Variants in CTNNA3 observed in about 807,000 individuals in gnomAD.
The protein encoded by CTNNA3 is catenin alpha 3, also known as catenin alpha-3.
CTNNA3 carries 76 observed loss-of-function variants against 95.7 expected under a neutral mutation model. The ratio of observed to expected loss-of-function variants is 0.79; its 90% CI spans 0.66 to 0.96. The LOEUF (loss-of-function observed/expected upper bound fraction) is 0.96, where lower values mean the gene tolerates loss of function less well. Among genes scored for constraint, CTNNA3 ranks in the 40% least tolerant of loss-of-function variants. CTNNA3 has a pLI of 0.00. For missense variants in CTNNA3, 1,191 were observed against 1,089.8 expected (o/e 1.09, Z -1.31); for synonymous variants, 431 against 374.4 (o/e 1.15, Z -1.74).
intron 7 of CTNNA3, among the ~76,000 whole-genome samples, chr10:67,163,209 A>G (rs1861622838): frequency 1.3e-5 from 2 of 151,994 alleles, no homozygotes; most frequent in South Asian, 2.1e-4. Context: ...AGAGATGAAA[A>G]TATTTCTAAT....
At chr10:67,413,551 A>G (rs1845447486) in intron 5 of CTNNA3, among the ~76,000 whole-genome samples, 1 of 152,120 alleles carries the variant, frequency 6.6e-6, no homozygotes, top group Non-Finnish European at 1.5e-5. Context: ...AAAACTAACA[A>G]AGAAACTCTG....
At chr10:66,665,231 G>A (rs972295283) in intron 9 of CTNNA3, among the ~76,000 whole-genome samples, 1 of 152,040 alleles carries the variant, frequency 6.6e-6, no homozygotes, top group African/African-American at 2.4e-5. Context: ...GCTCATTTCA[G>A]CTCAGAGGAG....
chr10:67,570,230 T>C (rs539317185), intron 3 of CTNNA3, among the ~76,000 whole-genome samples: 22 of 152,178 alleles, frequency 1.4e-4, no homozygotes, highest in African/African-American at 5.3e-4. Context: ...CTTCTATTAC[T>C]TCCCCACATC....
At chr10:66,655,303 T>C (rs4525109) in intron 9 of CTNNA3, among the ~76,000 whole-genome samples, 100,252 of 151,860 alleles carry the variant, frequency 0.66, 34,000 homozygotes, top group East Asian at 0.95. Flanking sequence ...AGATTTTTCA[T>C]GTTTCTTTTT....
At chr10:66,493,707 GCC>G (rs1283941264) in intron 11 of CTNNA3, among the ~76,000 whole-genome samples, 2 of 140,980 alleles carry the variant, frequency 1.4e-5, no homozygotes, top group African/African-American at 2.7e-5. Flanking sequence ...CCGGGTTCAC[GCC>G]ATTCTCCCGC....
intron 4 of CTNNA3, among the ~76,000 whole-genome samples, chr10:67,522,616 CAGAA>C (rs544096517): frequency 2.4e-4 from 36 of 151,838 alleles, no homozygotes; most frequent in African/African-American, 7.5e-4. Context: ...GAGTTATGAT[CAGAA>C]AGAGAGTTCT....
intron 5 of CTNNA3, among the ~76,000 whole-genome samples, chr10:67,243,406 G>A (rs1344053099): frequency 2.0e-5 from 3 of 152,142 alleles, no homozygotes; most frequent in Non-Finnish European, 4.4e-5. Flanking sequence ...GGAAGTGCAC[G>A]TGAACACAAG....
At chr10:67,095,591 C>T (rs1419432948) in intron 7 of CTNNA3, among the ~76,000 whole-genome samples, 1 of 151,742 alleles carries the variant, frequency 6.6e-6, no homozygotes, top group Non-Finnish European at 1.5e-5. Context: ...ATAAATGTAT[C>T]ATGGTTTATT....
At chr10:67,372,289 T>C (rs1400627697) in intron 5 of CTNNA3, among the ~76,000 whole-genome samples, 3 of 152,220 alleles carry the variant, frequency 2.0e-5, no homozygotes, top group Non-Finnish European at 4.4e-5. Context: ...GTTTTAGACA[T>C]GAAGTCCTTG....
intron 5 of CTNNA3, among the ~76,000 whole-genome samples, chr10:67,314,791 T>C (rs1442652579): frequency 6.6e-6 from 1 of 152,236 alleles, no homozygotes; most frequent in Non-Finnish European, 1.5e-5. Flanking sequence ...CTATCATTTA[T>C]TATTGTTTAA....
intron 14 of CTNNA3, among the ~76,000 whole-genome samples, chr10:66,087,182 A>T (rs12773686): frequency 0.12 from 17,851 of 151,966 alleles, 1,116 homozygotes; most frequent in Non-Finnish European, 0.15. Flanking sequence ...CCCTGGGCCC[A>T]ATTTAAATCA....
chr10:65,967,669 A>G (rs1386979171), intron 16 of CTNNA3, among the ~76,000 whole-genome samples: 1 of 152,220 alleles, frequency 6.6e-6, no homozygotes, highest in African/African-American at 2.4e-5. Context: ...CCAGCCTCCT[A>G]CATCATTTTA....
intron 9 of CTNNA3, among the ~76,000 whole-genome samples, chr10:66,761,535 G>C (rs1353986451): frequency 1.3e-5 from 2 of 152,094 alleles, no homozygotes; most frequent in African/African-American, 2.4e-5. Context: ...AGTGATTGTA[G>C]TGCTCAGCAT....
intron 13 of CTNNA3, among the ~76,000 whole-genome samples, chr10:66,205,812 TGA>T (rs1346780749): frequency 6.6e-6 from 1 of 152,026 alleles, no homozygotes; most frequent in Admixed American, 6.6e-5. Context: ...TATGTGTAGC[TGA>T]GTTATTTATG....
chr10:67,234,342 T>C (rs1164958014), intron 5 of CTNNA3, among the ~76,000 whole-genome samples: 1 of 152,224 alleles, frequency 6.6e-6, no homozygotes, highest in Non-Finnish European at 1.5e-5. Flanking sequence ...ATCCCTGGGA[T>C]GCAAAGCTGG....
chr10:66,942,737 ATTG>A (rs796879986), intron 7 of CTNNA3, among the ~76,000 whole-genome samples: 1 of 152,058 alleles, frequency 6.6e-6, no homozygotes, highest in East Asian at 1.9e-4. Flanking sequence ...AGAACATGCT[ATTG>A]TTATTACAGT....
At chr10:65,955,771 G>C (rs1056808019) in intron 17 of CTNNA3, among the ~76,000 whole-genome samples, 1 of 152,120 alleles carries the variant, frequency 6.6e-6, no homozygotes, top group Non-Finnish European at 1.5e-5. Flanking sequence ...TTTTTGATGT[G>C]CCGCTGGATT....
At chr10:67,147,324 C>A (rs12411525) in intron 7 of CTNNA3, among the ~76,000 whole-genome samples, 42,157 of 152,032 alleles carry the variant, frequency 0.28, 6,767 homozygotes, top group Middle Eastern at 0.49. Flanking sequence ...CCCATTTTCT[C>A]ATCTAAAAGC....
intron 5 of CTNNA3, among the ~76,000 whole-genome samples, chr10:67,283,588 A>G (rs1266361132): frequency 6.6e-6 from 1 of 152,222 alleles, no homozygotes; most frequent in Non-Finnish European, 1.5e-5. Flanking sequence ...TGCAGACCCC[A>G]GAAGCATGCT....
Sources: gnomAD v4.1 joint callset for allele counts (sites outside exome capture counted in the v4.1 genomes callset) on GRCh38, gnomAD v4.1.1 for gene constraint, MANE v1.5 for transcripts, NCBI Gene and HGNC (gene_info 2026-07-23, HGNC 2026-07-21) for gene names.